SCLT1: variants seen among roughly 807,000 people sequenced by gnomAD.
The protein encoded by SCLT1 is sodium channel and clathrin linker 1.
A neutral mutation model predicts 112.8 loss-of-function variants in SCLT1; 78 were observed. That is an observed-to-expected ratio of 0.69 (90% confidence interval 0.58 to 0.83). The LOEUF (loss-of-function observed/expected upper bound fraction) is 0.83. Ranked by LOEUF, SCLT1 falls within the 40% of genes least tolerant of loss-of-function variation. The pLI is 0.00. For missense variants in SCLT1, 747 were observed against 770.4 expected, an observed-to-expected ratio of 0.97 and a Z score of 0.36; for synonymous variants, 257 against 254.7, an observed-to-expected ratio of 1.01 and a Z score of -0.09.
rs940329641 is a variant in SCLT1, at chr4:129,093,497, A to T, written c.-394T>A. ...CGGAGCGGCGGGGGTTGGAGAGGACAACGCCAAGACGGCTGGGAAGCCCCA... is the reference window on the plus strand; with the variant it reads ...CGGAGCGGCGGGGGTTGGAGAGGACTACGCCAAGACGGCTGGGAAGCCCCA... On this transcript the variant is annotated 5_prime_UTR_variant, in exon 1 of 21. Transcript: ENST00000281142. The T allele has an allele frequency of 5.0e-6, 1 of 201,216 alleles. No homozygotes were observed. The allele number at this position is 201,216 out of a possible 1,614,324, so 12.5% of individuals were successfully genotyped here. A position where few individuals can be genotyped will look rare whatever the true frequency, so the allele number is the denominator to read the frequency against.
At chr4:128,886,854 C>T (rs1732931088) in intron 20 of SCLT1, among the ~76,000 whole-genome samples, 1 of 152,080 alleles carries the variant, frequency 6.6e-6, no homozygotes, top group South Asian at 2.1e-4. Flanking sequence ...GTCCTGTAAT[C>T]GTTCCCTTTT....
chr4:128,891,151 C>CA lies in SCLT1; in HGVS notation c.1830-15dup, dbSNP rs749562645. 15 of 1,575,782 alleles carry CA rather than the reference C, an allele frequency of 9.5e-6. No homozygotes were observed. In the African/African-American group the frequency reaches 1.6e-4, roughly 17 times the overall value. ...CTCAGCTCACTCCTATTAAGAGCACCAAAAAATCCATTAATATAATTGTTC... is the reference window on the plus strand; with the variant it reads ...CTCAGCTCACTCCTATTAAGAGCACCAAAAAAATCCATTAATATAATTGTTC... On this transcript the variant is annotated splice_polypyrimidine_tract_variant and intron_variant, in intron 18 of 20. Coordinates refer to ENST00000281142, the MANE Select transcript of SCLT1 (RefSeq NM_144643.4).
At chr4:129,051,466 G>A (rs1441269943) in intron 2 of SCLT1, among the ~76,000 whole-genome samples, 2 of 152,002 alleles carry the variant, frequency 1.3e-5, no homozygotes, top group Middle Eastern at 3.2e-3. Flanking sequence ...GTATTCCTAG[G>A]TATTTTATTC....
At chr4:128,952,126 C>T (rs4975289) in intron 14 of SCLT1, among the ~76,000 whole-genome samples, 111,069 of 152,044 alleles carry the variant, frequency 0.73, 41,473 homozygotes, top group African/African-American at 0.9. Context: ...GCTCAACATA[C>T]ACCTAAAGCA....
chr4:129,045,840 C>T (rs1405996224), intron 2 of SCLT1, among the ~76,000 whole-genome samples: 7 of 151,964 alleles, frequency 4.6e-5, no homozygotes, highest in Non-Finnish European at 7.4e-5. Flanking sequence ...TACTTATTTA[C>T]CTACTATGTG....
intron 11 of SCLT1, among the ~76,000 whole-genome samples, chr4:128,964,754 A>T (rs764697174): frequency 6.6e-6 from 1 of 152,176 alleles, no homozygotes. Flanking sequence ...CTTAACTATG[A>T]TTTTAAAATT....
chr4:129,012,803 T>G (rs1197784153), intron 5 of SCLT1, among the ~76,000 whole-genome samples: 2 of 151,022 alleles, frequency 1.3e-5, no homozygotes, highest in African/African-American at 4.8e-5. Flanking sequence ...TTTTTTGCTC[T>G]TTTTGGCTTT....
At chr4:129,079,669 C>T (rs898535726) in intron 2 of SCLT1, among the ~76,000 whole-genome samples, 2 of 152,190 alleles carry the variant, frequency 1.3e-5, no homozygotes, top group Non-Finnish European at 2.9e-5. Context: ...TGTTGGTGGA[C>T]CTACAATTCT....
chr4:129,060,730 A>T (rs150448659), intron 2 of SCLT1, among the ~76,000 whole-genome samples: 1 of 152,100 alleles, frequency 6.6e-6, no homozygotes, highest in East Asian at 1.9e-4. Context: ...CACAATAGGG[A>T]GACTTATCAA....
At chr4:129,011,305 C>T (rs941769059) in intron 5 of SCLT1, among the ~76,000 whole-genome samples, 13 of 152,102 alleles carry the variant, frequency 8.5e-5, no homozygotes, top group Admixed American at 7.2e-4. Context: ...TGCTGTGCTG[C>T]TGGATTTCAT....
At chr4:129,072,014 A>G (rs1274438193) in intron 2 of SCLT1, among the ~76,000 whole-genome samples, 1 of 152,032 alleles carries the variant, frequency 6.6e-6, no homozygotes, top group Non-Finnish European at 1.5e-5. Context: ...TGGCTTGGTA[A>G]TGGTGAATTT....
At chr4:129,040,068 C>T in intron 4 of SCLT1, 2 of 653,672 alleles carry the variant, frequency 3.1e-6, no homozygotes, top group Non-Finnish European at 5.6e-6. Flanking sequence ...TTCGCAAGGG[C>T]CAGGTGGAAC....
chr4:128,943,587 A>G (rs1350242166), intron 16 of SCLT1, among the ~76,000 whole-genome samples: 3 of 152,188 alleles, frequency 2.0e-5, no homozygotes, highest in Non-Finnish European at 2.9e-5. Context: ...CTAACACAAT[A>G]GCTGACTATA....
intron 18 of SCLT1, among the ~76,000 whole-genome samples, chr4:128,895,190 G>T (rs1187764083): frequency 6.6e-6 from 1 of 152,174 alleles, no homozygotes; most frequent in African/African-American, 2.4e-5. Context: ...CAGGGCAAAT[G>T]AATGTACTCA....
chr4:129,026,294 T>C (rs550850950), intron 5 of SCLT1, among the ~76,000 whole-genome samples: 56 of 152,240 alleles, frequency 3.7e-4, no homozygotes, highest in African/African-American at 1.3e-3. Flanking sequence ...GACCACATAC[T>C]GGGAAGTAAA....
intron 2 of SCLT1, among the ~76,000 whole-genome samples, chr4:129,079,662 T>C (rs1258194572): frequency 6.6e-6 from 1 of 152,180 alleles, no homozygotes; most frequent in Non-Finnish European, 1.5e-5. Context: ...TGCAAGCTGT[T>C]GGTGGACCTA....
intron 2 of SCLT1, among the ~76,000 whole-genome samples, chr4:129,071,250 T>C (rs939590845): frequency 3.9e-5 from 6 of 152,300 alleles, no homozygotes; most frequent in African/African-American, 1.4e-4. Context: ...ATGTGTATTC[T>C]GTGGTTGTTG....
intron 5 of SCLT1, among the ~76,000 whole-genome samples, chr4:129,032,353 G>A (rs1746799143): frequency 6.6e-6 from 1 of 151,994 alleles, no homozygotes; most frequent in South Asian, 2.1e-4. Context: ...ATAAATTAAA[G>A]ACTTAAATGT....
At chr4:128,923,360 G>A (rs986295279) in intron 18 of SCLT1, among the ~76,000 whole-genome samples, 1 of 147,162 alleles carries the variant, frequency 6.8e-6, no homozygotes, top group African/African-American at 2.5e-5. Context: ...CAGAAGAATC[G>A]CTTGAACCCA....
Sources: gnomAD v4.1 joint callset for allele counts (sites outside exome capture counted in the v4.1 genomes callset) on GRCh38, gnomAD v4.1.1 for gene constraint, MANE v1.5 for transcripts, NCBI Gene and HGNC (gene_info 2026-07-23, HGNC 2026-07-21) for gene names.